The following EXOC4 variants were observed in gnomAD, a reference collection of about 807,000 sequenced individuals.
EXOC4 encodes SEC8-like 1.
A neutral mutation model predicts 107.2 loss-of-function variants in EXOC4; 71 were observed. The ratio of observed to expected loss-of-function variants is 0.66; its 90% CI spans 0.55 to 0.81. EXOC4 has a LOEUF of 0.81. Among genes scored for constraint, EXOC4 ranks in the 30% least tolerant of loss-of-function variants. The pLI, the probability that EXOC4 is intolerant of heterozygous loss-of-function variation, is 0.00. For missense variants in EXOC4, 1,108 were observed against 1,189.6 expected (o/e 0.93, Z 1.01); for synonymous variants, 456 against 441.2 (o/e 1.03, Z -0.42).
At position 133,516,148 on chromosome 7, in the gene EXOC4, A is replaced by C. The variant is rs1799871173; in HGVS notation, c.1417+36010A>C. Among the ~76,000 whole-genome samples, 3 of 152,172 alleles carry C rather than the reference A, an allele frequency of 2.0e-5. No homozygotes were observed. The South Asian group carries it at 6.2e-4, about 32-fold the overall frequency. ...GTGTCACCACTACAAGGTTTTGGGG[A>C]CTTTTTTGTTTTGTTATTTTGTTTT... On this transcript the variant is annotated intron_variant, in intron 9 of 17. Coordinates refer to ENST00000253861, the MANE Select transcript of EXOC4 (RefSeq NM_021807.4).
At chr7:133,352,285 G>T (rs1795928316) in intron 5 of EXOC4, among the ~76,000 whole-genome samples, 1 of 151,928 alleles carries the variant, frequency 6.6e-6, no homozygotes, top group African/African-American at 2.4e-5. Flanking sequence ...TTCAACTGTT[G>T]TAGAACTGCG....
intron 10 of EXOC4, among the ~76,000 whole-genome samples, chr7:133,665,391 G>A (rs1453361275): frequency 2.6e-5 from 4 of 152,106 alleles, no homozygotes. Context: ...TGCTTATGTG[G>A]ATATTAGACC....
chr7:133,759,543 A>G (rs1366911507), intron 10 of EXOC4, among the ~76,000 whole-genome samples: 1 of 152,220 alleles, frequency 6.6e-6, no homozygotes. Flanking sequence ...ATTTTGGCTT[A>G]ATAGATTTAC....
intron 7 of EXOC4, among the ~76,000 whole-genome samples, chr7:133,474,148 CCTT>C (rs1193909004): frequency 3.3e-5 from 5 of 152,180 alleles, no homozygotes; most frequent in South Asian, 4.1e-4. Flanking sequence ...TATAACTCTT[CCTT>C]CTTATTATCT....
intron 16 of EXOC4, among the ~76,000 whole-genome samples, chr7:134,006,893 A>G (rs1794653994): frequency 6.6e-6 from 1 of 152,110 alleles, no homozygotes; most frequent in Admixed American, 6.5e-5. Flanking sequence ...CCTGAGGAGG[A>G]CTTATTAGTT....
chr7:133,731,369 ATG>A (rs1795322317), intron 10 of EXOC4, among the ~76,000 whole-genome samples: 1 of 152,052 alleles, frequency 6.6e-6, no homozygotes, highest in Non-Finnish European at 1.5e-5. Context: ...GCTTTCTTTT[ATG>A]TGAGACATGC....
intron 10 of EXOC4, among the ~76,000 whole-genome samples, chr7:133,631,796 C>T (rs1244067887): frequency 6.6e-6 from 1 of 151,720 alleles, no homozygotes; most frequent in South Asian, 2.1e-4. Flanking sequence ...GTTTAGTTTT[C>T]ACTGTCTTCT....
At chr7:133,399,090 TTA>T (rs1450301064) in intron 7 of EXOC4, among the ~76,000 whole-genome samples, 1 of 152,170 alleles carries the variant, frequency 6.6e-6, no homozygotes, top group Non-Finnish European at 1.5e-5. Context: ...CATTTTCAGT[TTA>T]TAGTTATTAT....
At chr7:133,422,648 A>G (rs1468774702) in intron 7 of EXOC4, among the ~76,000 whole-genome samples, 2 of 150,564 alleles carry the variant, frequency 1.3e-5, no homozygotes, top group Non-Finnish European at 2.9e-5. Flanking sequence ...TTACTGGCTC[A>G]TGGAGCTCTT....
intron 10 of EXOC4, among the ~76,000 whole-genome samples, chr7:133,742,411 C>T (rs1335662292): frequency 1.3e-5 from 2 of 152,100 alleles, no homozygotes; most frequent in African/African-American, 2.4e-5. Flanking sequence ...CTTCTTGGCT[C>T]CTAGAGAAAG....
At chr7:133,849,251 AT>A (rs1251947285) in intron 11 of EXOC4, among the ~76,000 whole-genome samples, 1 of 152,106 alleles carries the variant, frequency 6.6e-6, no homozygotes, top group Non-Finnish European at 1.5e-5. Context: ...CAAGACCTCC[AT>A]TTCTACAAAG....
intron 5 of EXOC4, among the ~76,000 whole-genome samples, chr7:133,355,603 C>A (rs1301732044): frequency 6.6e-6 from 1 of 151,958 alleles, no homozygotes; most frequent in Non-Finnish European, 1.5e-5. Context: ...CATTTCAGTG[C>A]CAAATTGTTT....
At chr7:133,944,313 T>C (rs974584312) in intron 14 of EXOC4, among the ~76,000 whole-genome samples, 4 of 152,200 alleles carry the variant, frequency 2.6e-5, no homozygotes, top group Admixed American at 1.3e-4. Flanking sequence ...GACAGTTTCC[T>C]AGACTTTCCT....
At chr7:134,076,768 C>A in the EXOC4 span, among the ~76,000 whole-genome samples, 1 of 151,360 alleles carries the variant, frequency 6.6e-6, no homozygotes, top group South Asian at 2.1e-4. Flanking sequence ...CTTTTTTGTG[C>A]TAACCTTGTT....
At chr7:133,507,590 G>T (rs1189365217) in intron 9 of EXOC4, among the ~76,000 whole-genome samples, 1 of 152,156 alleles carries the variant, frequency 6.6e-6, no homozygotes, top group Non-Finnish European at 1.5e-5. Flanking sequence ...GTCTAGCAAT[G>T]GTTGGCCCAG....
intron 9 of EXOC4, among the ~76,000 whole-genome samples, chr7:133,573,725 C>G (rs2150961262): frequency 6.6e-6 from 1 of 152,270 alleles, no homozygotes; most frequent in South Asian, 2.1e-4. Context: ...TCATAGCTCA[C>G]TCACTACAAC....
chr7:134,042,052 T>C (rs1234412148), intron 17 of EXOC4, among the ~76,000 whole-genome samples: 1 of 150,826 alleles, frequency 6.6e-6, no homozygotes, highest in Non-Finnish European at 1.5e-5. Flanking sequence ...GAAGTCTATC[T>C]AGTCCTCCCA....
intron 14 of EXOC4, among the ~76,000 whole-genome samples, chr7:133,961,478 C>T (rs907866726): frequency 5.9e-5 from 9 of 151,556 alleles, no homozygotes; most frequent in Admixed American, 1.3e-4. Context: ...AGTAAAGACG[C>T]GGTTTTGCCA....
At chr7:133,972,315 AT>A (rs1801261643) in intron 14 of EXOC4, among the ~76,000 whole-genome samples, 1 of 152,166 alleles carries the variant, frequency 6.6e-6, no homozygotes, top group African/African-American at 2.4e-5. Context: ...CATGTAAATG[AT>A]TAGTCTGTCC....
Sources: allele counts gnomAD v4.1 joint callset (sites outside exome capture counted in the v4.1 genomes callset), GRCh38; gene constraint gnomAD v4.1.1; transcripts MANE v1.5; gene names NCBI Gene and HGNC (gene_info 2026-07-23, HGNC 2026-07-21).